The following DPH6 variants were observed in gnomAD, a reference collection of about 807,000 sequenced individuals.
DPH6 encodes diphthine--ammonia ligase.
DPH6 carries 33 observed loss-of-function variants against 38.2 expected under a neutral mutation model. That is an observed-to-expected ratio of 0.86 (90% confidence interval 0.65 to 1.15). The LOEUF (loss-of-function observed/expected upper bound fraction) is 1.15, where lower values mean the gene tolerates loss of function less well. Ranked by LOEUF, DPH6 falls within the 50% of genes most tolerant of loss-of-function variation. The pLI is 0.00. For synonymous variants in DPH6, 108 were observed against 103.0 expected (o/e 1.05, Z -0.30); for missense variants, 325 against 320.0 (o/e 1.02, Z -0.12).
chr15:35,441,790 C>G (rs1251366119), intron 5 of DPH6, among the ~76,000 whole-genome samples: 1 of 93,932 alleles, frequency 1.1e-5, no homozygotes, highest in Non-Finnish European at 2.1e-5. Flanking sequence ...GCACGTGTAT[C>G]CCAGAACTTA....
intron 5 of DPH6, among the ~76,000 whole-genome samples, chr15:35,444,187 T>C (rs568299698): frequency 6.6e-6 from 1 of 152,296 alleles, no homozygotes; most frequent in African/African-American, 2.4e-5. Context: ...AGATTATTGT[T>C]CAATAAATTC....
the DPH6 span, among the ~76,000 whole-genome samples, chr15:35,179,333 A>C: frequency 2.6e-5 from 4 of 152,222 alleles, no homozygotes; most frequent in South Asian, 8.3e-4. Flanking sequence ...ATTTATTAGA[A>C]GAAAATAATT....
At chr15:35,227,270 G>A (rs1281890271) in intron 3 of DPH6, among the ~76,000 whole-genome samples, 1 of 128,774 alleles carries the variant, frequency 7.8e-6, no homozygotes, top group Non-Finnish European at 1.6e-5. Flanking sequence ...TGCAAGCTCC[G>A]CCTCCCGGGT....
intron 3 of DPH6, among the ~76,000 whole-genome samples, chr15:35,499,477 C>T (rs568432855): frequency 6.6e-6 from 1 of 152,270 alleles, no homozygotes; most frequent in Admixed American, 6.5e-5. Flanking sequence ...ACAGAAATAT[C>T]TCCATTCCCT....
chr15:35,371,677 T>C lies in DPH6; in HGVS notation c.*473A>G, dbSNP rs2052714859. ...TTGAAACACTTCAACCATGAATATA[T>C]TTAAAATAAAAATGATAAATCGCTT... On this transcript the variant is annotated 3_prime_UTR_variant, in exon 9 of 9. Transcript: ENST00000256538. 1.0e-6 allele frequency: 1 copy of C among 985,644 alleles called. No individual in the cohort carries two copies. Among genetic ancestry groups the C allele is most frequent in the Middle Eastern group, 5.2e-4 (1 of 1,914 alleles). 61.1% of individuals were successfully genotyped at this position (985,644 alleles called of 1,614,324 possible). A position where few individuals can be genotyped will look rare whatever the true frequency, so the allele number is the denominator to read the frequency against.
At chr15:35,510,134 G>T (rs1003358507) in intron 3 of DPH6, among the ~76,000 whole-genome samples, 1 of 152,164 alleles carries the variant, frequency 6.6e-6, no homozygotes, top group Non-Finnish European at 1.5e-5. Flanking sequence ...GAGGATCTGA[G>T]CTCAGTAGGT....
At chr15:35,188,014 T>A in the DPH6 span, among the ~76,000 whole-genome samples, 1 of 152,096 alleles carries the variant, frequency 6.6e-6, no homozygotes, top group Non-Finnish European at 1.5e-5. Flanking sequence ...GTGGTGCTGC[T>A]ACAGTAGGTA....
chr15:35,496,567 A>AAAATATATATATATATAT, intron 3 of DPH6, among the ~76,000 whole-genome samples: 339 of 30,904 alleles, frequency 0.011, 8 homozygotes, highest in Middle Eastern at 0.029. Flanking sequence ...AAAAAAAAAA[A>AAAATATATATATATATAT]ATATATATAT....
At position 35,332,784 on chromosome 15, in the gene DPH6, T is replaced by C. The variant is rs541523698; in HGVS notation, n.208-1707A>G. On this transcript the variant is annotated intron_variant and non_coding_transcript_variant, in intron 3 of 3. Transcript: ENST00000558973. ...ATAATTAGTTAATGTTATTGTTAAA[T>C]TACGAAGTAAGGAGTCATAACAAGT... Among the ~76,000 whole-genome samples the C allele has an allele frequency of 1.3e-4, 20 of 152,236 alleles. 1 individual carries two copies. The East Asian group carries it at 3.9e-3, about 29-fold the overall frequency.
At chr15:35,311,380 T>C (rs2052141029) in intron 3 of DPH6, among the ~76,000 whole-genome samples, 1 of 152,206 alleles carries the variant, frequency 6.6e-6, no homozygotes, top group Non-Finnish European at 1.5e-5. Flanking sequence ...AGTACCATCT[T>C]TGAAAATAAA....
chr15:35,301,980 A>T (rs1233472691), intron 3 of DPH6, among the ~76,000 whole-genome samples: 1 of 152,122 alleles, frequency 6.6e-6, no homozygotes, highest in Non-Finnish European at 1.5e-5. Context: ...TCTCAAAATA[A>T]TAATAATAAT....
chr15:35,205,883 T>C, the DPH6 span, among the ~76,000 whole-genome samples: 1 of 152,124 alleles, frequency 6.6e-6, no homozygotes, highest in Non-Finnish European at 1.5e-5. Flanking sequence ...TGTCGGGCAA[T>C]ATGTATTGAT....
At chr15:35,279,066 AAAAT>A (rs1298890454) in intron 3 of DPH6, among the ~76,000 whole-genome samples, 1 of 98,004 alleles carries the variant, frequency 1.0e-5, no homozygotes. Flanking sequence ...AAAAAAAAAA[AAAAT>A]ATATATATAT....
intron 3 of DPH6, among the ~76,000 whole-genome samples, chr15:35,506,784 A>G (rs1413617731): frequency 6.6e-6 from 1 of 152,210 alleles, no homozygotes; most frequent in African/African-American, 2.4e-5. Flanking sequence ...TAGATTTTTT[A>G]AATTGCATTT....
chr15:35,177,593 AAAAAAAAATC>A, the DPH6 span, among the ~76,000 whole-genome samples: 1 of 139,570 alleles, frequency 7.2e-6, no homozygotes, highest in South Asian at 2.4e-4. Context: ...AAAAAAAAAA[AAAAAAAAATC>A]ATCATCATCA....
At chr15:35,496,000 A>G (rs560154028) in intron 3 of DPH6, among the ~76,000 whole-genome samples, 3 of 152,258 alleles carry the variant, frequency 2.0e-5, no homozygotes, top group South Asian at 2.1e-4. Context: ...CCCTATGGGG[A>G]AAAAAATGAA....
At chr15:35,160,381 T>C in the DPH6 span, among the ~76,000 whole-genome samples, 5 of 152,096 alleles carry the variant, frequency 3.3e-5, no homozygotes, top group East Asian at 9.7e-4. Context: ...GAAACCATTC[T>C]TGTCAGGATC....
At chr15:35,543,391 G>C (rs1488981790) in intron 1 of DPH6, among the ~76,000 whole-genome samples, 3 of 150,966 alleles carry the variant, frequency 2.0e-5, no homozygotes, top group East Asian at 3.9e-4. Context: ...ACCTAAGGCA[G>C]ACGCATATCA....
the DPH6 span, among the ~76,000 whole-genome samples, chr15:35,181,087 T>C: frequency 2.0e-5 from 3 of 152,190 alleles, no homozygotes; most frequent in South Asian, 4.1e-4. Context: ...CCACCACCAA[T>C]TGGCTTTGAG....
Sources: gnomAD v4.1 joint callset for allele counts (sites outside exome capture counted in the v4.1 genomes callset) on GRCh38, gnomAD v4.1.1 for gene constraint, MANE v1.5 for transcripts, NCBI Gene and HGNC (gene_info 2026-07-23, HGNC 2026-07-21) for gene names.